Variants in MAX observed in about 807,000 individuals in gnomAD.
MAX encodes the protein MYC associated transcriptional regulator X, also known as protein max.
A neutral mutation model predicts 22.3 loss-of-function variants in MAX; 3 were observed. The ratio of observed to expected loss-of-function variants is 0.13; its 90% confidence interval spans 0.06 to 0.35. MAX has a LOEUF of 0.35. Ranked by LOEUF, MAX falls within the 10% of genes least tolerant of loss-of-function variation. MAX has a pLI of 1.00. For missense variants in MAX, 119 were observed against 209.4 expected (o/e 0.57, Z 2.66); for synonymous variants, 72 against 77.7 (o/e 0.93, Z 0.39).
intron 3 of MAX, among the ~76,000 whole-genome samples, chr14:65,045,623 AC>A: frequency 6.6e-6 from 1 of 152,164 alleles, no homozygotes; most frequent in South Asian, 2.1e-4. Flanking sequence ...ACCATGTTGG[AC>A]AGGCTGTTCT....
Position 65,021,019 on chromosome 14 carries a change from C to T in MAX, c.172-14735G>A, listed in dbSNP as rs60830527. Among the ~76,000 whole-genome samples the T allele has an allele frequency of 8.9e-3, 1,360 of 152,304 alleles. 22 individuals carry two copies. The highest frequency in any genetic ancestry group is 0.081 in the East Asian group (422 of 5,194). The stretch of plus-strand genomic sequence containing the variant: ...TGTTGGGATTACAGATGTGAGCCAC[C>T]GCACCCGGCCTAGCTTCCCTCTTTT... On this transcript the variant is annotated intron_variant, in intron 3 of 3. Coordinates refer to the MAX transcript ENST00000341653.
chr14:65,101,723 C>G, intron 1 of MAX, 151 bp from the exon 2 acceptor site: 1 of 660,878 alleles, frequency 1.5e-6, no homozygotes, highest in Admixed American at 2.7e-5. Context: ...CCCTTGCCCC[C>G]ACCCTTCCAC....
In MAX at chr14:65,011,472, C is replaced by G. The variant is rs114370689; in HGVS notation, c.172-5188G>C. ...AAAAAAGACTGCATGAAGGCTCTTACTCTGAGCCAAGTACAGTGGGAATTT... is the reference window on the plus strand; with the variant it reads ...AAAAAAGACTGCATGAAGGCTCTTAGTCTGAGCCAAGTACAGTGGGAATTT... On this transcript the variant is annotated intron_variant, in intron 3 of 3. Coordinates refer to the MAX transcript ENST00000341653. The surrounding 1 kb of genome is among the most constrained non-coding windows in gnomAD (Gnocchi z 4.0). Among the ~76,000 whole-genome samples, 1 of 148,968 alleles carries G rather than the reference C, an allele frequency of 6.7e-6. No individual in the cohort carries two copies. Among genetic ancestry groups the G allele is most frequent in the Non-Finnish European group, 1.5e-5 (1 of 67,394 alleles).
chr14:65,080,297 T>C lies in MAX; in HGVS notation c.172-2261A>G, dbSNP rs1466548948. Among the ~76,000 whole-genome samples, 3 of 152,234 alleles carry C rather than the reference T, an allele frequency of 2.0e-5. No individual in the cohort carries two copies. The East Asian group carries it at 5.8e-4, about 29-fold the overall frequency. The stretch of plus-strand genomic sequence containing the variant: ...TTCTTTAGTTGAGTCAGTCAGCTTA[T>C]GCAGAAGGAATGAGAGTTCCTAGCC... On this transcript the variant is annotated intron_variant, in intron 3 of 4. Coordinates refer to ENST00000358664, the MANE Select transcript of MAX (RefSeq NM_002382.5).
chr14:65,099,679 T>A (rs1239226125), intron 2 of MAX, among the ~76,000 whole-genome samples: 1 of 151,248 alleles, frequency 6.6e-6, no homozygotes, highest in African/African-American at 2.5e-5. Context: ...TAGCACAGAT[T>A]TTACAACTGG....
In MAX at chr14:65,028,196, T is replaced by A. The variant is rs981912401; in HGVS notation, c.172-21912A>T. 2.6e-5 allele frequency among the ~76,000 whole-genome samples: 4 copies of A among 152,186 alleles called. No individual in the cohort carries two copies. The highest frequency in any genetic ancestry group is 9.7e-5 in the African/African-American group (4 of 41,442). ...TGAAATCATGAGAATGTCTAATCCCTGAGGTCCTCCTGAGGCACATGAGAG... is the reference window on the plus strand; with the variant it reads ...TGAAATCATGAGAATGTCTAATCCCAGAGGTCCTCCTGAGGCACATGAGAG... On this transcript the variant is annotated intron_variant, in intron 3 of 3. Transcript: ENST00000341653. This position sits in a 1 kb window ranked among gnomAD's most constrained non-coding sequence, Gnocchi z 4.4.
Position 65,079,520 on chromosome 14 carries a change from G to C in MAX, c.172-1484C>G, listed in dbSNP as rs1368582063. On this transcript the variant is annotated intron_variant, in intron 3 of 4. Transcript: ENST00000358664. This position sits in a 1 kb window ranked among gnomAD's most constrained non-coding sequence, Gnocchi z 4.5. ...GGCAGCCAGCCAAACTGGTAGAATAGTACAAAGCCAAGCGAAGCTCAAGGC... is the reference window on the plus strand; with the variant it reads ...GGCAGCCAGCCAAACTGGTAGAATACTACAAAGCCAAGCGAAGCTCAAGGC... Among the ~76,000 whole-genome samples, 1 of 152,230 alleles carries C rather than the reference G, an allele frequency of 6.6e-6. No individual in the cohort carries two copies.
Position 65,064,262 on chromosome 14 carries a change from C to G in MAX, c.171+29446G>C, listed in dbSNP as rs143956672. Among the ~76,000 whole-genome samples the G allele has an allele frequency of 2.2e-3, 335 of 152,298 alleles. 2 individuals are homozygous for G. The highest frequency in any genetic ancestry group is 3.9e-3 in the Non-Finnish European group (263 of 68,028). ...ACCAAGCATTCTAGTTGCCCACATG[C>G]ACTGCTTGGTGGCATTTACTGCCTT... On this transcript the variant is annotated intron_variant, in intron 3 of 3. Transcript: ENST00000341653.
At chr14:65,035,903 C>T (rs1595066222) in intron 3 of MAX, among the ~76,000 whole-genome samples, 1 of 152,006 alleles carries the variant, frequency 6.6e-6, no homozygotes, top group East Asian at 1.9e-4. Flanking sequence ...ATGATCACGG[C>T]TCACTGCAGC....
chr14:65,076,132 AGGAGCTGGTAGGGTGGGC>A lies in MAX; in HGVS notation c.*326_*343del. 7.6e-7 allele frequency: 1 copy of A among 1,309,006 alleles called. No individual in the cohort carries two copies. Among genetic ancestry groups the A allele is most frequent in the East Asian group, 3.2e-5 (1 of 31,540 alleles). The allele number at this position is 1,309,006 out of a possible 1,614,324, so 81.1% of individuals were successfully genotyped here. ...CCGGGCATGTGCCCGGCAGGGCTGG[AGGAGCTGGTAGGGTGGGC>A]AGGACACTATGTGCTCAGAGGTCCG... On this transcript the variant is annotated 3_prime_UTR_variant, in exon 5 of 5. Transcript: ENST00000358664. The surrounding 1 kb of genome is among the most constrained non-coding windows in gnomAD (Gnocchi z 6.6).
intron 3 of MAX, among the ~76,000 whole-genome samples, chr14:65,060,540 C>CAA (rs2062839467): frequency 7.9e-6 from 1 of 127,198 alleles, no homozygotes. Flanking sequence ...ACTAAAAATA[C>CAA]AAAAAATTAG....
chr14:65,101,727 C>T (rs1804888583), intron 1 of MAX, 155 bp from the exon 2 acceptor site: 2 of 659,302 alleles, frequency 3.0e-6, no homozygotes, highest in East Asian at 2.7e-5. Context: ...TGCCCCCACC[C>T]TTCCACCCTC....
intron 2 of MAX, among the ~76,000 whole-genome samples, chr14:65,097,199 C>T (rs576334706): frequency 6.6e-6 from 1 of 152,180 alleles, no homozygotes; most frequent in African/African-American, 2.4e-5. Context: ...CTACCAAGCA[C>T]GTGTATCTTA....
rs1375324918 is a variant in MAX at position 65,054,747 on chromosome 14, C to G, written c.171+38961G>C. ...CCACAGGGACCTCGCGGACAGAAGG[C>G]TTTCCAAGTAAGCAGAACTGGCTCT... On this transcript the variant is annotated intron_variant, in intron 3 of 3. Transcript: ENST00000341653. The surrounding 1 kb of genome is among the most constrained non-coding windows in gnomAD (Gnocchi z 4.4). The G allele has an allele frequency of 6.5e-7, 1 of 1,530,652 alleles. No homozygotes were observed. Among genetic ancestry groups the G allele is most frequent in the Non-Finnish European group, 8.9e-7 (1 of 1,127,264 alleles). 94.8% of individuals were successfully genotyped at this position (1,530,652 alleles called of 1,614,324 possible). A position where few individuals can be genotyped will look rare whatever the true frequency, so the allele number is the denominator to read the frequency against.
intron 3 of MAX, chr14:65,016,512 G>C (rs2061775743): frequency 6.6e-6 from 1 of 152,218 alleles, no homozygotes; most frequent in Non-Finnish European, 1.5e-5. Context: ...TCTGGGATGA[G>C]AGACTTCTGA....
intron 3 of MAX, among the ~76,000 whole-genome samples, chr14:65,053,635 C>CAAAA (rs1189039450): frequency 6.8e-6 from 1 of 146,972 alleles, no homozygotes; most frequent in Non-Finnish European, 1.5e-5. Flanking sequence ...TTAAAAAAAA[C>CAAAA]AAAAAAAAAC....
chr14:65,063,007 G>A (rs1302137816), intron 3 of MAX, among the ~76,000 whole-genome samples: 1 of 152,230 alleles, frequency 6.6e-6, no homozygotes. Flanking sequence ...TCTGGCCAGA[G>A]GCAGGGGCTG....
chr14:65,061,358 A>G, intron 3 of MAX: 3 of 1,611,604 alleles, frequency 1.9e-6, no homozygotes, highest in Non-Finnish European at 2.5e-6. Flanking sequence ...CTCCCCAGTC[A>G]GACAAGGTTT....
Position 65,027,355 on chromosome 14 carries a change from G to T in MAX, c.172-21071C>A. 1 of 1,556,592 alleles carries T rather than the reference G, an allele frequency of 6.4e-7. No homozygotes were observed. On this transcript the variant is annotated intron_variant, in intron 3 of 3. Transcript: ENST00000341653. This position sits in a 1 kb window ranked among gnomAD's most constrained non-coding sequence, Gnocchi z 5.7. ...GAGGTTCCCCTCAACTTTTGAGGGA[G>T]TGGGGGATCATTGGAAAGGCCTGGA...
Sources: allele counts gnomAD v4.1 joint callset (sites outside exome capture counted in the v4.1 genomes callset), GRCh38; gene constraint gnomAD v4.1.1; non-coding constraint Gnocchi (gnomAD v3.1); transcripts MANE v1.5; gene names NCBI Gene and HGNC (gene_info 2026-07-23, HGNC 2026-07-21).